The following SCHIP1 variants were observed in gnomAD, a reference collection of about 807,000 sequenced individuals.
SCHIP1 encodes schwannomin interacting protein 1, also known as schwannomin-interacting protein 1.
Under a neutral mutation model 29.7 loss-of-function variants are expected in SCHIP1, and 8 were observed. The ratio of observed to expected loss-of-function variants is 0.27; its 90% confidence interval spans 0.16 to 0.49. SCHIP1 has a LOEUF of 0.49. Among genes scored for constraint, SCHIP1 ranks in the 20% least tolerant of loss-of-function variants. The pLI is 0.99. For synonymous variants in SCHIP1, 76 were observed against 94.9 expected (o/e 0.80, Z 1.16); for missense variants, 193 against 294.6 (o/e 0.66, Z 2.52).
the SCHIP1 span, among the ~76,000 whole-genome samples, chr3:159,689,649 TGA>T: frequency 6.6e-6 from 1 of 152,194 alleles, no homozygotes. Flanking sequence ...ATAGGAGTGG[TGA>T]GAGAGGGCAT....
the SCHIP1 span, among the ~76,000 whole-genome samples, chr3:159,790,644 C>G: frequency 1.3e-5 from 2 of 152,198 alleles, no homozygotes; most frequent in South Asian, 2.1e-4. Flanking sequence ...CGAGATTGAG[C>G]CCCTGCACTC....
At chr3:159,654,656 T>G in the SCHIP1 span, among the ~76,000 whole-genome samples, 1 of 151,910 alleles carries the variant, frequency 6.6e-6, no homozygotes, top group Admixed American at 6.6e-5. Flanking sequence ...GTATGTGAGC[T>G]CCACAGAGGT....
At chr3:159,716,072 C>T in the SCHIP1 span, among the ~76,000 whole-genome samples, 1 of 152,166 alleles carries the variant, frequency 6.6e-6, no homozygotes, top group Admixed American at 6.6e-5. Context: ...CTCTACAAGC[C>T]AGAAGAGAGT....
the SCHIP1 span, among the ~76,000 whole-genome samples, chr3:159,832,661 T>C: frequency 1.5e-4 from 23 of 152,190 alleles, no homozygotes; most frequent in African/African-American, 4.8e-4. Context: ...TCCGCGTCCC[T>C]GCAGTATTTG....
the SCHIP1 span, among the ~76,000 whole-genome samples, chr3:159,492,178 C>T: frequency 6.6e-6 from 1 of 152,148 alleles, no homozygotes; most frequent in African/African-American, 2.4e-5. Context: ...ACCGGAAACT[C>T]TAAAAATCAG....
the SCHIP1 span, among the ~76,000 whole-genome samples, chr3:159,734,182 G>T: frequency 8.1e-6 from 1 of 124,116 alleles, no homozygotes; most frequent in Non-Finnish European, 1.6e-5. Context: ...TTGCTCTGTC[G>T]CCCAGACTGG....
the SCHIP1 span, among the ~76,000 whole-genome samples, chr3:159,832,755 T>C: frequency 0.014 from 2,057 of 152,308 alleles, 41 homozygotes; most frequent in African/African-American, 0.047. Flanking sequence ...CTTTGTTGAC[T>C]ATGTCTCCTT....
the SCHIP1 span, among the ~76,000 whole-genome samples, chr3:159,752,827 C>T: frequency 6.2e-3 from 938 of 152,288 alleles, 9 homozygotes; most frequent in Middle Eastern, 0.017. Flanking sequence ...CAGATCCAAA[C>T]CGTATCATTT....
the SCHIP1 span, among the ~76,000 whole-genome samples, chr3:159,709,185 T>C: frequency 1.3e-5 from 2 of 152,084 alleles, no homozygotes; most frequent in African/African-American, 4.8e-5. Flanking sequence ...GAAGAAAATA[T>C]TAGTGGTTTC....
the SCHIP1 span, among the ~76,000 whole-genome samples, chr3:159,492,408 G>A: frequency 6.6e-6 from 1 of 152,146 alleles, no homozygotes; most frequent in Non-Finnish European, 1.5e-5. Context: ...GTCCTTAAAG[G>A]ACCTGATGGA....
At chr3:159,764,493 C>A in the SCHIP1 span, 2 of 1,588,074 alleles carry the variant, frequency 1.3e-6, no homozygotes, top group African/African-American at 2.7e-5. The surrounding 1 kb of genome is among the most constrained non-coding windows in gnomAD (Gnocchi z 6.1). Context: ...GCAGCAGCAG[C>A]AGCAGCAGCC....
the SCHIP1 span, among the ~76,000 whole-genome samples, chr3:159,315,112 A>T: frequency 6.6e-6 from 1 of 151,940 alleles, no homozygotes; most frequent in South Asian, 2.1e-4. Context: ...ATATTAATTT[A>T]CACTCTTACC....
chr3:159,593,333 C>T, the SCHIP1 span, among the ~76,000 whole-genome samples: 1 of 152,140 alleles, frequency 6.6e-6, no homozygotes, highest in African/African-American at 2.4e-5. Flanking sequence ...GAACAGGCTG[C>T]CCTCTTTATG....
intron 2 of SCHIP1, among the ~76,000 whole-genome samples, chr3:159,871,906 A>G (rs553117774): frequency 6.6e-6 from 1 of 152,204 alleles, no homozygotes; most frequent in East Asian, 1.9e-4. Context: ...GGGTCCTTTC[A>G]GGTGTTAAAT....
At chr3:159,532,208 C>A in the SCHIP1 span, among the ~76,000 whole-genome samples, 2 of 151,916 alleles carry the variant, frequency 1.3e-5, no homozygotes, top group Non-Finnish European at 2.9e-5. Flanking sequence ...CGCTTTTTTT[C>A]TAAGTATCTT....
chr3:159,396,933 T>C, the SCHIP1 span, among the ~76,000 whole-genome samples: 1 of 147,708 alleles, frequency 6.8e-6, no homozygotes, highest in Non-Finnish European at 1.5e-5. Flanking sequence ...CTTGGTTCCA[T>C]TCTCCCCATC....
At chr3:159,721,377 T>C in the SCHIP1 span, 2 of 152,182 alleles carry the variant, frequency 1.3e-5, no homozygotes, top group Non-Finnish European at 2.9e-5. Flanking sequence ...GCTTGAAAAA[T>C]CCAGCAGGTA....
At chr3:159,527,841 TATTTCAGCCGTG>T in the SCHIP1 span, among the ~76,000 whole-genome samples, 1 of 152,218 alleles carries the variant, frequency 6.6e-6, no homozygotes, top group Admixed American at 6.5e-5. Context: ...GAAGCCTTAA[TATTTCAGCCGTG>T]AGGTTAGCAG....
At chr3:159,627,341 A>G in the SCHIP1 span, among the ~76,000 whole-genome samples, 2 of 152,230 alleles carry the variant, frequency 1.3e-5, no homozygotes, top group African/African-American at 4.8e-5. Flanking sequence ...GGTGAGGCAA[A>G]TATATTTTAT....
Sources: gnomAD v4.1 joint callset for allele counts (sites outside exome capture counted in the v4.1 genomes callset) on GRCh38, gnomAD v4.1.1 for gene constraint, Gnocchi (gnomAD v3.1) non-coding constraint, MANE v1.5 for transcripts, NCBI Gene and HGNC (gene_info 2026-07-23, HGNC 2026-07-21) for gene names.